Variants in WASHC3 observed in about 807,000 individuals in gnomAD.
The protein encoded by WASHC3 is WASH complex subunit CCDC53.
Under a neutral mutation model 26.1 loss-of-function variants are expected in WASHC3, and 24 were observed. That is an observed-to-expected ratio of 0.92 (90% CI 0.66 to 1.29). The LOEUF (loss-of-function observed/expected upper bound fraction) is 1.29. Among genes scored for constraint, WASHC3 ranks in the 50% most tolerant of loss-of-function variants. The probability of loss-of-function intolerance (pLI) is 0.00; values close to 1 mark genes in which losing one functional copy is unlikely to be tolerated. For missense variants in WASHC3, 214 were observed against 229.6 expected (o/e 0.93, Z 0.44); for synonymous variants, 77 against 75.7 (o/e 1.02, Z -0.09).
chr12:102,030,068 G>C (rs1877367267), intron 5 of WASHC3, among the ~76,000 whole-genome samples: 1 of 152,076 alleles, frequency 6.6e-6, no homozygotes, highest in African/African-American at 2.4e-5. Context: ...GGCTGAGGTG[G>C]GCGGATCACC....
At chr12:102,029,192 GT>G (rs1248796903) in intron 5 of WASHC3, among the ~76,000 whole-genome samples, 1 of 152,140 alleles carries the variant, frequency 6.6e-6, no homozygotes, top group Non-Finnish European at 1.5e-5. Flanking sequence ...ACAGAGTCTG[GT>G]TTGTTAAACA....
intron 2 of WASHC3, among the ~76,000 whole-genome samples, chr12:102,046,321 G>T (rs1348917479): frequency 6.6e-6 from 1 of 151,774 alleles, no homozygotes; most frequent in Non-Finnish European, 1.5e-5. Context: ...TTTTGGGACG[G>T]AGTCTTGCTC....
chr12:102,053,104 G>A (rs1878457533), intron 2 of WASHC3, among the ~76,000 whole-genome samples: 2 of 151,846 alleles, frequency 1.3e-5, no homozygotes, highest in Non-Finnish European at 2.9e-5. Context: ...CTCCAGGCTA[G>A]TCACAGTACA....
intron 2 of WASHC3, 131 bp from the exon 3 acceptor site, chr12:102,046,250 C>A: frequency 1.8e-6 from 1 of 552,138 alleles, no homozygotes; most frequent in Non-Finnish European, 3.3e-6. Context: ...GTCTTATTTA[C>A]ATGAGTAGGA....
chr12:102,056,437 T>G (rs1878596116), intron 2 of WASHC3, among the ~76,000 whole-genome samples: 1 of 152,232 alleles, frequency 6.6e-6, no homozygotes, highest in South Asian at 2.1e-4. Flanking sequence ...AAGGGGTGAC[T>G]GCAAAGGAGC....
chr12:102,026,046 A>C lies in WASHC3; in HGVS notation c.436-8T>G. 6.7e-7 allele frequency: 1 copy of C among 1,486,044 alleles called. No homozygotes were observed. Among genetic ancestry groups the C allele is most frequent in the Non-Finnish European group, 9.2e-7 (1 of 1,089,054 alleles). 92.1% of individuals were successfully genotyped at this position (1,486,044 alleles called of 1,614,324 possible). On this transcript the variant is annotated splice_region_variant and splice_polypyrimidine_tract_variant and intron_variant, in intron 5 of 6. Coordinates refer to ENST00000240079, the MANE Select transcript of WASHC3 (RefSeq NM_016053.4). ...TGCCATCACTGGTACACCCTAAGCA[A>C]AGGATATAAGATAATTTCATCATTA...
At chr12:102,032,914 T>C (rs542257935) in intron 5 of WASHC3, among the ~76,000 whole-genome samples, 1 of 152,138 alleles carries the variant, frequency 6.6e-6, no homozygotes, top group African/African-American at 2.4e-5. Context: ...AGGGTAGTAA[T>C]CCAGCAGTGA....
chr12:102,059,920 G>C (rs937730802), intron 2 of WASHC3: 7 of 152,146 alleles, frequency 4.6e-5, no homozygotes, highest in African/African-American at 1.7e-4. Flanking sequence ...CTAGTTTCTG[G>C]CCATTAACAT....
chr12:102,018,955 A>T (rs965716086), intron 6 of WASHC3, among the ~76,000 whole-genome samples: 2 of 143,522 alleles, frequency 1.4e-5, no homozygotes, highest in Admixed American at 6.9e-5. Context: ...GTGCCACCAC[A>T]CCCAGATAAT....
At chr12:102,050,491 C>CACAATTA in intron 2 of WASHC3, 1 of 412,218 alleles carries the variant, frequency 2.4e-6, no homozygotes, top group South Asian at 1.8e-5. Context: ...CACACACACA[C>CACAATTA]AATTAGCCGG....
chr12:102,023,625 T>C (rs1002287342), intron 6 of WASHC3, among the ~76,000 whole-genome samples: 1 of 152,192 alleles, frequency 6.6e-6, no homozygotes, highest in African/African-American at 2.4e-5. Context: ...GTTAACACGG[T>C]AGTTGACTGC....
intron 5 of WASHC3, among the ~76,000 whole-genome samples, chr12:102,038,172 A>C (rs1251083135): frequency 1.3e-5 from 2 of 152,220 alleles, no homozygotes; most frequent in African/African-American, 2.4e-5. Flanking sequence ...CAAAAATAAA[A>C]ATTGCAAGTG....
At position 102,013,212 on chromosome 12, in the gene WASHC3, A is replaced by C; in HGVS notation, c.501-20T>G. ...GGCCTCCTAAAAGAAAAGAAAAAAA[A>C]ATTTCAAAGGTCTTTTCCAATTGAA... is the stretch of plus-strand genomic sequence containing the variant. On this transcript the variant is annotated intron_variant, in intron 6 of 6. Transcript: ENST00000240079. 7.6e-7 allele frequency: 1 copy of C among 1,317,024 alleles called. No individual in the cohort carries two copies. The highest frequency in any genetic ancestry group is 1.1e-6 in the Non-Finnish European group (1 of 945,320). 81.6% of individuals were successfully genotyped at this position (1,317,024 alleles called of 1,614,324 possible). A position where few individuals can be genotyped will look rare whatever the true frequency, so the allele number is the denominator to read the frequency against.
At chr12:102,037,101 G>T (rs1233906670) in intron 5 of WASHC3, among the ~76,000 whole-genome samples, 1 of 152,106 alleles carries the variant, frequency 6.6e-6, no homozygotes, top group Non-Finnish European at 1.5e-5. Flanking sequence ...TAATTTTGTA[G>T]GGTAGGGCCC....
intron 4 of WASHC3, among the ~76,000 whole-genome samples, chr12:102,041,854 T>A (rs1316794696): frequency 6.6e-6 from 1 of 152,068 alleles, no homozygotes; most frequent in East Asian, 1.9e-4. Context: ...ATACAATTTT[T>A]AAATAAAATT....
At chr12:102,050,383 C>T (rs528587707) in intron 2 of WASHC3, 6 of 419,626 alleles carry the variant, frequency 1.4e-5, no homozygotes, top group African/African-American at 8.2e-5. Context: ...CTTGGGAGGC[C>T]GAGGCCGAGG....
At chr12:102,061,196 C>T in intron 2 of WASHC3, 52 bp downstream of exon 2, 2 of 1,159,218 alleles carry the variant, frequency 1.7e-6, no homozygotes, top group East Asian at 4.7e-5. Context: ...TCAGTCTCAG[C>T]AGTGAAAGGT....
At chr12:102,035,082 C>T (rs960541720) in intron 5 of WASHC3, among the ~76,000 whole-genome samples, 3 of 151,904 alleles carry the variant, frequency 2.0e-5, no homozygotes, top group Non-Finnish European at 4.4e-5. Context: ...GCTACCTAGC[C>T]GGATGGAAGA....
rs764552457 is a variant in WASHC3, at chr12:102,061,228, A to G, written c.150+20T>C. ...AGGTGATTTCCAGGCGACTCTATAA[A>G]CCAGTATCACCGGACCTACCTCCTC... On this transcript the variant is annotated intron_variant, in intron 2 of 6. Transcript: ENST00000240079. 1.3e-6 allele frequency: 2 copies of G among 1,539,558 alleles called. No homozygotes were observed. The highest frequency in any genetic ancestry group is 1.8e-6 in the Non-Finnish European group (2 of 1,112,572).
Sources: gnomAD v4.1 joint callset for allele counts (sites outside exome capture counted in the v4.1 genomes callset) on GRCh38, gnomAD v4.1.1 for gene constraint, MANE v1.5 for transcripts, NCBI Gene and HGNC (gene_info 2026-07-23, HGNC 2026-07-21) for gene names.